COL6A5: variants seen among roughly 807,000 people sequenced by gnomAD.
COL6A5 encodes collagen type VI alpha 5 chain.
Under a neutral mutation model 65.6 loss-of-function variants are expected in COL6A5, and 48 were observed. The ratio of observed to expected loss-of-function variants is 0.73; its 90% CI spans 0.58 to 0.93. The LOEUF is 0.93. Ranked by LOEUF, COL6A5 falls within the 40% of genes least tolerant of loss-of-function variation. The pLI is 0.00. For synonymous variants in COL6A5, 291 were observed against 322.8 expected (o/e 0.90, Z 1.05); for missense variants, 914 against 928.3 (o/e 0.98, Z 0.20).
At chr3:130,387,624 T>C (rs1212866023) in intron 5 of COL6A5, among the ~76,000 whole-genome samples, 1 of 152,040 alleles carries the variant, frequency 6.6e-6, no homozygotes, top group East Asian at 1.9e-4. Context: ...GTTTATTAAG[T>C]AATAGTTAAC....
chr3:130,359,995 G>A (rs2107619827), intron 1 of COL6A5, among the ~76,000 whole-genome samples: 1 of 151,766 alleles, frequency 6.6e-6, no homozygotes, highest in South Asian at 2.1e-4. Context: ...GTTTGTTATG[G>A]GGGAATGACA....
At chr3:130,412,008 C>T (rs761557841) in intron 20 of COL6A5, among the ~76,000 whole-genome samples, 3 of 152,112 alleles carry the variant, frequency 2.0e-5, no homozygotes, top group Non-Finnish European at 2.9e-5. Context: ...TTTTAAACAA[C>T]GTAAGACAAT....
At chr3:130,441,541 T>C (rs1709181204) in intron 3 of COL6A5, among the ~76,000 whole-genome samples, 1 of 152,126 alleles carries the variant, frequency 6.6e-6, no homozygotes, top group Non-Finnish European at 1.5e-5. Context: ...GTGGACTCTG[T>C]CTCATTGAAC....
At chr3:130,463,844 AAAT>A (rs1243802397) in intron 5 of COL6A5, among the ~76,000 whole-genome samples, 1 of 152,082 alleles carries the variant, frequency 6.6e-6, no homozygotes, top group African/African-American at 2.4e-5. Flanking sequence ...ACCTTTGACT[AAAT>A]TTTAGAGTTT....
chr3:130,480,981 G>A (rs1309523031), intron 7 of COL6A5, among the ~76,000 whole-genome samples: 2 of 152,110 alleles, frequency 1.3e-5, no homozygotes, highest in African/African-American at 4.8e-5. Flanking sequence ...AGGAAACGCA[G>A]GCGCCTAAAT....
At chr3:130,379,305 C>A in intron 3 of COL6A5, 113 bp from the exon 4 acceptor site, 1 of 963,396 alleles carries the variant, frequency 1.0e-6, no homozygotes, top group Non-Finnish European at 1.5e-6. Flanking sequence ...ATGCTGTCTA[C>A]ATCCATCATG....
At chr3:130,434,626 A>G (rs1428709144) in intron 1 of COL6A5, among the ~76,000 whole-genome samples, 25 of 152,202 alleles carry the variant, frequency 1.6e-4, no homozygotes, top group Non-Finnish European at 3.7e-4. Flanking sequence ...AATAATCGCC[A>G]TTCTGACTGG....
intron 11 of COL6A5, 30 bp from the exon 12 acceptor site, chr3:130,401,732 A>C (rs1936822763): frequency 7.0e-5 from 100 of 1,425,342 alleles, no homozygotes; most frequent in Middle Eastern, 1.7e-4. Context: ...GACAATTGCT[A>C]TTCCCTCAGC....
At chr3:130,458,685 A>G (rs1347473364) in intron 5 of COL6A5, among the ~76,000 whole-genome samples, 1 of 152,148 alleles carries the variant, frequency 6.6e-6, no homozygotes, top group Non-Finnish European at 1.5e-5. Context: ...TTGTGTTGCT[A>G]AAGAGTTCCA....
intron 5 of COL6A5, among the ~76,000 whole-genome samples, chr3:130,388,343 TATGCATGCATGC>T (rs71620080): frequency 2.6e-5 from 4 of 151,128 alleles, no homozygotes; most frequent in East Asian, 2.0e-4. Context: ...ATAAATGAGT[TATGCATGCATGC>T]ATGCATGCAT....
At chr3:130,414,035 G>A in intron 21 of COL6A5, 34 bp from the exon 22 acceptor site, 2 of 1,438,802 alleles carry the variant, frequency 1.4e-6, no homozygotes, top group South Asian at 1.2e-5. Context: ...ACAACGTGTA[G>A]AAATGCTTGA....
intron 4 of COL6A5, 78 bp from the exon 37 acceptor site, chr3:130,455,377 T>A: frequency 1.3e-6 from 1 of 789,312 alleles, no homozygotes; most frequent in Admixed American, 2.8e-5. Context: ...TAATTAAATA[T>A]GTTAAATGTT....
Position 130,364,800 on chromosome 3 carries a change from T to C in COL6A5, c.-28-8811T>C, listed in dbSNP as rs963325744. 2.6e-5 allele frequency among the ~76,000 whole-genome samples: 4 copies of C among 152,226 alleles called. No individual in the cohort carries two copies. The South Asian group carries it at 8.3e-4, about 32-fold the overall frequency. Reference sequence around the variant, plus strand: ...AGAACCATCAATAGAGGCCCTAATATTGGATATCCCAGCAGGTCTGGTATC... The same window carrying C: ...AGAACCATCAATAGAGGCCCTAATACTGGATATCCCAGCAGGTCTGGTATC... On this transcript the variant is annotated intron_variant and NMD_transcript_variant, in intron 1 of 41. Transcript: ENST00000312481.
intron 7 of COL6A5, among the ~76,000 whole-genome samples, chr3:130,477,831 A>T (rs774115392): frequency 6.6e-6 from 1 of 152,094 alleles, no homozygotes; most frequent in East Asian, 1.9e-4. Flanking sequence ...GAAATCACTG[A>T]TAAGTAGATA....
chr3:130,428,320 C>T (rs985039675), upstream of COL6A5, among the ~76,000 whole-genome samples: 5 of 152,112 alleles, frequency 3.3e-5, no homozygotes, highest in Non-Finnish European at 7.4e-5. Flanking sequence ...GGCTTCTCAT[C>T]TAACATCATT....
intron 12 of COL6A5, among the ~76,000 whole-genome samples, chr3:130,402,129 G>A (rs1306020833): frequency 1.3e-5 from 2 of 152,132 alleles, no homozygotes; most frequent in Non-Finnish European, 2.9e-5. Context: ...AGTTTGAAAG[G>A]TGGTAAGAAG....
At chr3:130,353,245 G>A (rs1032015929) in intron 1 of COL6A5, among the ~76,000 whole-genome samples, 3 of 152,206 alleles carry the variant, frequency 2.0e-5, no homozygotes, top group African/African-American at 7.2e-5. Flanking sequence ...AGCACTCCCT[G>A]TTGGACCTGT....
intron 10 of COL6A5, among the ~76,000 whole-genome samples, chr3:130,398,650 A>G (rs1936701255): frequency 6.6e-6 from 1 of 152,070 alleles, no homozygotes; most frequent in African/African-American, 2.4e-5. Flanking sequence ...TGTGTCCTTG[A>G]CTGATCTGAA....
intron 1 of COL6A5, among the ~76,000 whole-genome samples, chr3:130,436,447 T>G (rs904235421): frequency 6.6e-5 from 10 of 151,904 alleles, no homozygotes; most frequent in African/African-American, 2.4e-4. Flanking sequence ...AGCAATCTCC[T>G]AGGGAAAAAA....
Sources: allele counts gnomAD v4.1 joint callset (sites outside exome capture counted in the v4.1 genomes callset), GRCh38; gene constraint gnomAD v4.1.1; transcripts MANE v1.5; gene names NCBI Gene and HGNC (gene_info 2026-07-23, HGNC 2026-07-21).